MAST4: variants seen among roughly 807,000 people sequenced by gnomAD.
MAST4 encodes the protein microtubule associated serine/threonine kinase family member 4, also known as microtubule-associated serine/threonine-protein kinase 4.
In MAST4, 89 loss-of-function variants were observed where a neutral mutation model predicts 162.7. The observed-to-expected ratio is 0.55, with a 90% CI of 0.46 to 0.65. The LOEUF (loss-of-function observed/expected upper bound fraction) is 0.65. Among genes scored for constraint, MAST4 ranks in the 30% least tolerant of loss-of-function variants. MAST4 has a pLI of 0.00. For missense variants in MAST4, 3,153 were observed against 3,374.0 expected (o/e 0.93, Z 1.62); for synonymous variants, 1,479 against 1,361.1 (o/e 1.09, Z -1.91).
chr5:66,629,700 G>C (rs1744674698), intron 1 of MAST4, among the ~76,000 whole-genome samples: 1 of 152,188 alleles, frequency 6.6e-6, no homozygotes. Flanking sequence ...CCTCTGGGCT[G>C]CTGGGAGCTG....
intron 3 of MAST4, among the ~76,000 whole-genome samples, chr5:66,883,723 G>T (rs948870958): frequency 1.3e-5 from 2 of 152,054 alleles, no homozygotes; most frequent in African/African-American, 4.8e-5. Context: ...CACCGCGCCC[G>T]GCTTTTATAA....
intron 1 of MAST4, among the ~76,000 whole-genome samples, chr5:66,607,569 A>G (rs1171795051): frequency 1.3e-5 from 2 of 152,210 alleles, no homozygotes; most frequent in African/African-American, 4.8e-5. Context: ...TAACATGTTA[A>G]CAGTAATATT....
At chr5:66,674,750 G>A (rs75220583) in intron 1 of MAST4, among the ~76,000 whole-genome samples, 156 of 152,264 alleles carry the variant, frequency 1.0e-3, no homozygotes, top group African/African-American at 3.7e-3. Context: ...GGGTAGGGGT[G>A]GATTCTGCTG....
At chr5:67,131,471 T>G (rs1193337292) in intron 15 of MAST4, among the ~76,000 whole-genome samples, 3 of 152,146 alleles carry the variant, frequency 2.0e-5, no homozygotes, top group Admixed American at 6.6e-5. Flanking sequence ...GAGCTAGGAT[T>G]TGGACTCAGG....
At chr5:66,944,860 G>T (rs1743833088) in intron 4 of MAST4, among the ~76,000 whole-genome samples, 1 of 152,088 alleles carries the variant, frequency 6.6e-6, no homozygotes, top group African/African-American at 2.4e-5. Context: ...GTTCTCTGAT[G>T]CTTCCCCTTC....
intron 1 of MAST4, among the ~76,000 whole-genome samples, chr5:66,675,879 T>C (rs1747913030): frequency 6.6e-6 from 1 of 152,160 alleles, no homozygotes; most frequent in African/African-American, 2.4e-5. Context: ...ATGTGAAAAA[T>C]GCCTTCAACA....
intron 5 of MAST4, among the ~76,000 whole-genome samples, chr5:67,075,474 C>T (rs1192683457): frequency 7.6e-5 from 1 of 13,074 alleles, no homozygotes; most frequent in African/African-American, 3.4e-4. Context: ...CCACACCTGG[C>T]TTTGGAGTGT....
At chr5:66,698,602 A>G (rs1031930403) in intron 1 of MAST4, among the ~76,000 whole-genome samples, 5 of 152,172 alleles carry the variant, frequency 3.3e-5, no homozygotes, top group African/African-American at 9.7e-5. Context: ...TACTGCCTGT[A>G]AGGAGTGTCT....
At chr5:66,818,475 A>G (rs1756835710) in intron 3 of MAST4, among the ~76,000 whole-genome samples, 1 of 151,030 alleles carries the variant, frequency 6.6e-6, no homozygotes, top group Non-Finnish European at 1.5e-5. Context: ...GTGCCCTTGT[A>G]GTTTAAACAT....
chr5:66,907,155 AAGCGAGAGAG>A (rs776614613), intron 4 of MAST4, among the ~76,000 whole-genome samples: 2 of 112,030 alleles, frequency 1.8e-5, no homozygotes, highest in Non-Finnish European at 3.7e-5. Flanking sequence ...ACTCTCAGCA[AAGCGAGAGAG>A]AGAGAGAGAG....
At chr5:66,894,614 G>C (rs1164153315) in intron 3 of MAST4, among the ~76,000 whole-genome samples, 1 of 152,174 alleles carries the variant, frequency 6.6e-6, no homozygotes, top group African/African-American at 2.4e-5. Flanking sequence ...CTCAGTCATA[G>C]GATGAGGCCA....
chr5:66,943,102 T>TG (rs1245758634), intron 4 of MAST4, among the ~76,000 whole-genome samples: 1 of 152,050 alleles, frequency 6.6e-6, no homozygotes, highest in Non-Finnish European at 1.5e-5. Flanking sequence ...ACCATCATAT[T>TG]GGGGGGTAGG....
intron 4 of MAST4, among the ~76,000 whole-genome samples, chr5:66,943,325 C>A (rs996262935): frequency 6.6e-6 from 1 of 152,012 alleles, no homozygotes; most frequent in African/African-American, 2.4e-5. Context: ...TAAATGGAAG[C>A]TATGGTTAGT....
rs976222978 is a variant in MAST4, at chr5:67,168,959, A to G, written c.*1908A>G. ...CTTGCCCCTAATTTTTTTTTCCCATATGGTTTTAGCCATTCCCCATCACTA... is the reference window on the plus strand; with the variant it reads ...CTTGCCCCTAATTTTTTTTTCCCATGTGGTTTTAGCCATTCCCCATCACTA... On this transcript the variant is annotated 3_prime_UTR_variant, in exon 29 of 29. Transcript: ENST00000403625. 3.3e-5 allele frequency: 5 copies of G among 152,034 alleles called. No individual in the cohort carries two copies. Among genetic ancestry groups the G allele is most frequent in the South Asian group, 2.1e-4 (1 of 4,830 alleles). The allele number at this position is 152,034 out of a possible 1,614,324, so 9.4% of individuals were successfully genotyped here. A position where few individuals can be genotyped will look rare whatever the true frequency, so the allele number is the denominator to read the frequency against.
At chr5:67,092,035 A>G (rs377097974) in intron 6 of MAST4, among the ~76,000 whole-genome samples, 2 of 152,322 alleles carry the variant, frequency 1.3e-5, no homozygotes, top group Admixed American at 1.3e-4. Flanking sequence ...TTTATGTAAC[A>G]TCTGGGATAT....
rs75803081 is a variant in MAST4, at chr5:66,987,321, T to A, written c.675-67083T>A. On this transcript the variant is annotated intron_variant, in intron 4 of 28. Coordinates refer to ENST00000403625, the MANE Select transcript of MAST4 (RefSeq NM_001164664.2). ...TCAGTATCTAGCATATAGAGTATGC[T>A]GATGAGTCATGTGCAATGTGTTTTG... 3.6e-4 allele frequency among the ~76,000 whole-genome samples: 55 copies of A among 152,352 alleles called. No individual in the cohort carries two copies. The East Asian group carries it at 9.8e-3, about 27-fold the overall frequency.
intron 10 of MAST4, among the ~76,000 whole-genome samples, chr5:67,108,335 C>G (rs1236886639): frequency 6.6e-6 from 1 of 152,132 alleles, no homozygotes; most frequent in East Asian, 1.9e-4. Context: ...AAAGTGTCAA[C>G]TAAGAAGTTA....
At position 67,165,816 on chromosome 5, in the gene MAST4, T is replaced by G. The variant is rs111806898; in HGVS notation, c.6637T>G (p.Ser2213Ala). 6.4e-4 allele frequency: 1,036 copies of G among 1,612,548 alleles called. 9 individuals carry two copies. In the African/African-American group the frequency reaches 0.012, roughly 19 times the overall value. The change falls in exon 29 of 29, where the codon TCC becomes GCC. Residue 2213 changes from serine to alanine, a missense_variant. This residue lies in a region of MAST4 where 1,644 missense variants were observed against 1,495.0 expected (regional missense o/e 1.10). Transcript: ENST00000403625. ...PKTKHPDRSL[S>A]SQKPSVGATK... The stretch of plus-strand genomic sequence containing the variant: ...GACTAAGCACCCCGACCGGTCCCTC[T>G]CCTCTCAGAAACCAAGTGTCGGGGC...
chr5:66,730,018 G>C (rs1407476774), intron 1 of MAST4, among the ~76,000 whole-genome samples: 2 of 152,124 alleles, frequency 1.3e-5, no homozygotes, highest in African/African-American at 4.8e-5. Context: ...TGACCAATAC[G>C]AATGGGATTA....
Sources: allele counts gnomAD v4.1 joint callset (sites outside exome capture counted in the v4.1 genomes callset), GRCh38; gene constraint gnomAD v4.1.1; regional missense constraint gnomAD v4.1.1; transcripts MANE v1.5; gene names NCBI Gene and HGNC (gene_info 2026-07-23, HGNC 2026-07-21).